Variants in RASSF3 observed in about 807,000 individuals in gnomAD.
RASSF3 encodes ras association domain-containing protein 3.
RASSF3 carries 19 observed loss-of-function variants against 19.9 expected under a neutral mutation model. The ratio of observed to expected loss-of-function variants is 0.96; its 90% CI spans 0.67 to 1.40. The LOEUF (loss-of-function observed/expected upper bound fraction) is 1.40, where lower values mean the gene tolerates loss of function less well. Among genes scored for constraint, RASSF3 ranks in the 40% most tolerant of loss-of-function variants. The pLI, the probability that RASSF3 is intolerant of heterozygous loss-of-function variation, is 0.00. For missense variants in RASSF3, 306 were observed against 289.8 expected (o/e 1.06, Z -0.41); for synonymous variants, 110 against 104.2 (o/e 1.06, Z -0.34).
chr12:64,570,935 A>C (rs970200244), intron 2 of RASSF3, among the ~76,000 whole-genome samples: 11 of 152,278 alleles, frequency 7.2e-5, no homozygotes, highest in African/African-American at 2.4e-4. Context: ...AAGTGTCTAA[A>C]GGCCAGACGC....
At chr12:64,542,891 G>A (rs1253615678), downstream of RASSF3, among the ~76,000 whole-genome samples, 4 of 152,178 alleles carry the variant, frequency 2.6e-5, no homozygotes, top group Non-Finnish European at 5.9e-5. Context: ...GGATGGCCGA[G>A]GCCGGAGGCG....
chr12:64,666,367 T>C (rs1872539421), intron 1 of RASSF3, among the ~76,000 whole-genome samples: 1 of 151,752 alleles, frequency 6.6e-6, no homozygotes, highest in African/African-American at 2.4e-5. Flanking sequence ...TTCTTTTGCT[T>C]TTTTTTTGTT....
rs538541097 is a variant in RASSF3, at chr12:64,694,904, C to T, written c.709C>T (p.Pro237Ser). 1.7e-5 allele frequency: 27 copies of T among 1,613,870 alleles called. No homozygotes were observed. The highest frequency in any genetic ancestry group is 4.5e-5 in the East Asian group (2 of 44,892). Residue 237 changes from proline (P) to serine (S), a missense_variant, in exon 5 of 5, where the codon CCT becomes TCT. Pro to Ser is a moderately conservative substitution (Grantham distance 74). Coordinates refer to ENST00000542104, the MANE Select transcript of RASSF3 (RefSeq NM_178169.4). ...LEEALREVWK[P>S]D is the part of the protein sequence containing the mutation. ...AGAAGCCCTCCGTGAGGTGTGGAAG[C>T]CTGATTAAAGCGGGGCTCCCTGCCC...
chr12:64,590,323 C>T (rs1869898247), intron 2 of RASSF3, among the ~76,000 whole-genome samples: 1 of 152,018 alleles, frequency 6.6e-6, no homozygotes, highest in African/African-American at 2.4e-5. Context: ...TAAGCTCAAT[C>T]CTTCTCTATA....
chr12:64,691,734 A>AGAAGAGAGATGGAGGGCAGG (rs1555217320), intron 4 of RASSF3, among the ~76,000 whole-genome samples, 155 bp downstream of exon 4: 2 of 151,048 alleles, frequency 1.3e-5, no homozygotes, highest in Non-Finnish European at 3.0e-5. Context: ...GGGCAGGGAG[A>AGAAGAGAGATGGAGGGCAGG]GGGAGAGGGA....
downstream of RASSF3, among the ~76,000 whole-genome samples, chr12:64,544,872 A>G (rs1200910420): frequency 1.3e-5 from 2 of 152,190 alleles, no homozygotes; most frequent in Admixed American, 1.3e-4. Flanking sequence ...TTTTTCCCTA[A>G]CAAAGTTAAC....
intron 2 of RASSF3, among the ~76,000 whole-genome samples, chr12:64,558,617 A>G (rs1237690491): frequency 1.3e-5 from 2 of 152,164 alleles, no homozygotes; most frequent in African/African-American, 2.4e-5. Flanking sequence ...TTTAAACCCT[A>G]TGTCCAATAA....
rs545030973 is a variant in RASSF3, at chr12:64,656,102, A to G, written c.112-28685A>G. Among the ~76,000 whole-genome samples, 39 of 152,146 alleles carry G rather than the reference A, an allele frequency of 2.6e-4. 1 individual carries two copies. The highest frequency in any genetic ancestry group is 8.7e-4 in the African/African-American group (36 of 41,518). On this transcript the variant is annotated intron_variant, in intron 1 of 4. Coordinates refer to ENST00000542104, the MANE Select transcript of RASSF3 (RefSeq NM_178169.4). ...ATCTCAGGTTAATTGGGATATGCCT[A>G]ATAACAAAATTTCTGAACATGAGGT...
chr12:64,512,794 A>G (rs912655868), intron 1 of RASSF3, among the ~76,000 whole-genome samples: 2 of 152,232 alleles, frequency 1.3e-5, no homozygotes, highest in Non-Finnish European at 2.9e-5. Flanking sequence ...CTAATGAGCA[A>G]TCTTACTCAT....
At chr12:64,594,759 T>C (rs1274393475) in intron 2 of RASSF3, among the ~76,000 whole-genome samples, 2 of 151,564 alleles carry the variant, frequency 1.3e-5, no homozygotes, top group African/African-American at 4.8e-5. Flanking sequence ...TAAAGGAAAT[T>C]TCTTTCTTTT....
Position 64,643,632 on chromosome 12 carries a change from A to G in RASSF3, c.111+32889A>G, listed in dbSNP as rs147117033. Among the ~76,000 whole-genome samples, 5 of 152,222 alleles carry G rather than the reference A, an allele frequency of 3.3e-5. No individual in the cohort carries two copies. In the East Asian group the frequency reaches 9.6e-4, roughly 29 times the overall value. Reference sequence around the variant, plus strand: ...GTATAATGTATCATTAAATATAAGAATAGGAAAAAAAAACCGGAATGATCT... The same window carrying G: ...GTATAATGTATCATTAAATATAAGAGTAGGAAAAAAAAACCGGAATGATCT... On this transcript the variant is annotated intron_variant, in intron 1 of 4. Transcript: ENST00000542104.
At chr12:64,681,925 A>G (rs564534070) in intron 1 of RASSF3, among the ~76,000 whole-genome samples, 155 of 152,244 alleles carry the variant, frequency 1.0e-3, no homozygotes, top group African/African-American at 3.6e-3. Context: ...GGAATGTTTG[A>G]ACTCAGGAAG....
Position 64,619,181 on chromosome 12 carries a change from G to A in RASSF3, c.111+8438G>A, listed in dbSNP as rs189002615. On this transcript the variant is annotated intron_variant, in intron 1 of 4. Coordinates refer to ENST00000542104, the MANE Select transcript of RASSF3 (RefSeq NM_178169.4). The stretch of plus-strand genomic sequence containing the variant: ...TCTTGGTGGCTGCAGATGGATGGAT[G>A]TGGGGGTACCAGCCTGGTGTGTTGG... Among the ~76,000 whole-genome samples, 380 of 152,280 alleles carry A rather than the reference G, an allele frequency of 2.5e-3. 1 individual carries two copies. Among genetic ancestry groups the A allele is most frequent in the Non-Finnish European group, 4.4e-3 (302 of 68,018 alleles).
chr12:64,653,496 C>T (rs993491088), intron 1 of RASSF3, among the ~76,000 whole-genome samples: 2 of 152,064 alleles, frequency 1.3e-5, no homozygotes, highest in African/African-American at 2.4e-5. Context: ...GAGAAGATCA[C>T]ATTCTGAGTT....
rs138608037 is a variant in RASSF3 at position 64,517,308 on chromosome 12, T to TC, written c.169+9989dup. 6.2e-3 allele frequency among the ~76,000 whole-genome samples: 917 copies of TC among 148,614 alleles called. 4 individuals carry two copies. The highest frequency in any genetic ancestry group is 6.9e-3 in the Non-Finnish European group (462 of 67,036). On this transcript the variant is annotated intron_variant, in intron 1 of 5. Transcript: ENST00000637125. Reference sequence around the variant, plus strand: ...TCAATATTGTATTGATATTAATTCCTCCCCCCCCCCACTAAGCTATAATCT... The same window carrying TC: ...TCAATATTGTATTGATATTAATTCCTCCCCCCCCCCCACTAAGCTATAATCT...
At chr12:64,572,011 T>C (rs1351436000) in intron 2 of RASSF3, among the ~76,000 whole-genome samples, 1 of 152,220 alleles carries the variant, frequency 6.6e-6, no homozygotes, top group African/African-American at 2.4e-5. Context: ...GTTCATAAGC[T>C]ACTCCTTACC....
At chr12:64,513,933 G>A (rs1467314056) in intron 1 of RASSF3, among the ~76,000 whole-genome samples, 1 of 152,106 alleles carries the variant, frequency 6.6e-6, no homozygotes, top group Non-Finnish European at 1.5e-5. Context: ...AGGCTGGAGT[G>A]CAATGGCAGG....
chr12:64,618,928 TAAAA>T (rs534290918), intron 1 of RASSF3, among the ~76,000 whole-genome samples: 163 of 150,008 alleles, frequency 1.1e-3, no homozygotes, highest in African/African-American at 3.6e-3. Context: ...AGTATAATAA[TAAAA>T]AAAAAGAAAG....
chr12:64,518,282 A>C (rs1868402296), intron 1 of RASSF3, among the ~76,000 whole-genome samples: 1 of 152,156 alleles, frequency 6.6e-6, no homozygotes, highest in African/African-American at 2.4e-5. Flanking sequence ...TATAAAGAAA[A>C]TACCTGAGGC....
Sources: gnomAD v4.1 joint callset for allele counts (sites outside exome capture counted in the v4.1 genomes callset) on GRCh38, gnomAD v4.1.1 for gene constraint, MANE v1.5 for transcripts, NCBI Gene and HGNC (gene_info 2026-07-23, HGNC 2026-07-21) for gene names.